The following NBAS variants were observed in gnomAD, a reference collection of about 807,000 sequenced individuals.
NBAS encodes NAG/BC035112 fusion.
A neutral mutation model predicts 302.5 loss-of-function variants in NBAS; 219 were observed. The ratio of observed to expected loss-of-function variants is 0.72; its 90% confidence interval spans 0.65 to 0.81. The LOEUF (loss-of-function observed/expected upper bound fraction) is 0.81, where lower values mean the gene tolerates loss of function less well. Among genes scored for constraint, NBAS ranks in the 30% least tolerant of loss-of-function variants. The pLI, the probability that NBAS is intolerant of heterozygous loss-of-function variation, is 0.00. For synonymous variants in NBAS, 1,118 were observed against 1,021.6 expected (o/e 1.09, Z -1.80); for missense variants, 2,932 against 2,841.6 (o/e 1.03, Z -0.72).
In NBAS at chr2:15,278,712, C is replaced by T. The variant is rs572680291; in HGVS notation, c.5139-1611G>A. Among the ~76,000 whole-genome samples, 8 of 152,278 alleles carry T rather than the reference C, an allele frequency of 5.3e-5. No homozygotes were observed. The East Asian group carries it at 1.5e-3, about 29-fold the overall frequency. ...TGAAAATCCAGTTGAGTTACAAATACTTACAGTTAAATAATGATGCAAAAC... is the reference window on the plus strand; with the variant it reads ...TGAAAATCCAGTTGAGTTACAAATATTTACAGTTAAATAATGATGCAAAAC... On this transcript the variant is annotated intron_variant, in intron 42 of 51. Transcript: ENST00000281513.
At chr2:15,261,727 G>A (rs988805223) in intron 44 of NBAS, among the ~76,000 whole-genome samples, 4 of 152,270 alleles carry the variant, frequency 2.6e-5, no homozygotes, top group African/African-American at 9.6e-5. Flanking sequence ...CATGAAAAAT[G>A]TTAGAAATGA....
intron 40 of NBAS, among the ~76,000 whole-genome samples, chr2:15,299,814 T>C (rs1010262520): frequency 1.3e-5 from 2 of 152,196 alleles, no homozygotes; most frequent in African/African-American, 2.4e-5. Flanking sequence ...GTCTAAAAAA[T>C]AGTTATATAA....
chr2:15,405,878 G>A (rs1676384228), intron 25 of NBAS, among the ~76,000 whole-genome samples: 1 of 151,924 alleles, frequency 6.6e-6, no homozygotes, highest in African/African-American at 2.4e-5. Context: ...AAACATCTAA[G>A]AGGAATATTT....
intron 12 of NBAS, among the ~76,000 whole-genome samples, chr2:15,484,446 T>A (rs1269760917): frequency 6.6e-6 from 1 of 152,176 alleles, no homozygotes; most frequent in Non-Finnish European, 1.5e-5. Context: ...TTATGCCTAG[T>A]GTTCCATTAT....
intron 35 of NBAS, among the ~76,000 whole-genome samples, chr2:15,347,024 A>C (rs1418817535): frequency 6.6e-6 from 1 of 152,046 alleles, no homozygotes; most frequent in Non-Finnish European, 1.5e-5. Flanking sequence ...GAGGAGAGGA[A>C]ACTTAGATGA....
chr2:15,225,345 C>G (rs1667109310), intron 47 of NBAS, among the ~76,000 whole-genome samples: 2 of 152,158 alleles, frequency 1.3e-5, no homozygotes, highest in South Asian at 4.1e-4. Context: ...GATCCACCAT[C>G]CTGGATTGTG....
chr2:14,838,692 T>C, the NBAS span, among the ~76,000 whole-genome samples: 1 of 152,148 alleles, frequency 6.6e-6, no homozygotes, highest in African/African-American at 2.4e-5. Context: ...TATCAACCCC[T>C]ATAGATCTTT....
intron 20 of NBAS, 104 bp from the exon 21 acceptor site, chr2:15,461,441 ATGAAACACCTTGAAATGACCC>A (rs1295536560): frequency 8.4e-7 from 1 of 1,191,050 alleles, no homozygotes; most frequent in African/African-American, 1.5e-5. Flanking sequence ...CAGCTCTGAT[ATGAAACACCTTGAAATGACCC>A]TAGTTTTTCC....
intron 9 of NBAS, among the ~76,000 whole-genome samples, chr2:15,524,475 T>A (rs1049625084): frequency 2.0e-5 from 3 of 152,180 alleles, no homozygotes; most frequent in African/African-American, 7.2e-5. Flanking sequence ...GAAGTCAGAA[T>A]AAACACACAT....
chr2:15,048,344 G>A, the NBAS span, among the ~76,000 whole-genome samples: 2 of 152,230 alleles, frequency 1.3e-5, no homozygotes, highest in East Asian at 1.9e-4. Context: ...CCCAGGCCCA[G>A]GTGGGAAACA....
chr2:14,862,660 G>A, the NBAS span, among the ~76,000 whole-genome samples: 4 of 152,142 alleles, frequency 2.6e-5, no homozygotes, highest in South Asian at 4.1e-4. Flanking sequence ...ATGTAAAATC[G>A]CCTAGTACAA....
At chr2:15,505,083 C>G (rs1349190401) in intron 10 of NBAS, among the ~76,000 whole-genome samples, 1 of 152,130 alleles carries the variant, frequency 6.6e-6, no homozygotes, top group East Asian at 1.9e-4. Context: ...GAGAATAACC[C>G]AAACTTTACA....
chr2:15,188,690 G>A (rs552062194), intron 49 of NBAS, among the ~76,000 whole-genome samples: 4 of 152,236 alleles, frequency 2.6e-5, no homozygotes, highest in African/African-American at 7.2e-5. Context: ...GTTTACAAAT[G>A]CACTAAATGT....
chr2:15,348,965 A>C (rs1299437186), intron 35 of NBAS, among the ~76,000 whole-genome samples: 1 of 152,180 alleles, frequency 6.6e-6, no homozygotes, highest in Non-Finnish European at 1.5e-5. Flanking sequence ...AAACTTCACA[A>C]AGAAAATACT....
chr2:14,888,763 C>T, the NBAS span, among the ~76,000 whole-genome samples: 3 of 152,134 alleles, frequency 2.0e-5, no homozygotes, highest in Non-Finnish European at 4.4e-5. Context: ...AGGTCTAAGT[C>T]AGATAGATGC....
At chr2:15,292,843 AC>A in intron 40 of NBAS, 77 bp from the exon 41 acceptor site, 1 of 1,371,664 alleles carries the variant, frequency 7.3e-7, no homozygotes. Flanking sequence ...ATGGAAGAAG[AC>A]CATGTCTGCA....
the NBAS span, among the ~76,000 whole-genome samples, chr2:15,057,892 A>C: frequency 6.6e-6 from 1 of 152,208 alleles, no homozygotes; most frequent in Non-Finnish European, 1.5e-5. Flanking sequence ...ATGCGTGCGA[A>C]ATATCTCTTT....
chr2:15,443,897 T>C (rs1678582194), intron 21 of NBAS, among the ~76,000 whole-genome samples: 1 of 152,112 alleles, frequency 6.6e-6, no homozygotes, highest in Admixed American at 6.5e-5. Context: ...AGAACTCCCA[T>C]TCACAATTGC....
the NBAS span, among the ~76,000 whole-genome samples, chr2:15,137,440 T>C: frequency 5.9e-5 from 9 of 152,074 alleles, no homozygotes; most frequent in African/African-American, 2.2e-4. Flanking sequence ...TGCACCTCAG[T>C]CCATTCTATA....
Sources: gnomAD v4.1 joint callset for allele counts (sites outside exome capture counted in the v4.1 genomes callset) on GRCh38, gnomAD v4.1.1 for gene constraint, MANE v1.5 for transcripts, NCBI Gene and HGNC (gene_info 2026-07-23, HGNC 2026-07-21) for gene names.